Variants in POU2F1 observed in about 807,000 individuals in gnomAD.
POU2F1 encodes the protein POU domain, class 2, transcription factor 1.
Under a neutral mutation model 84.9 loss-of-function variants are expected in POU2F1, and 16 were observed. The observed-to-expected ratio is 0.19, with a 90% CI of 0.13 to 0.29. The LOEUF (loss-of-function observed/expected upper bound fraction) is 0.29, where lower values mean the gene tolerates loss of function less well. Ranked by LOEUF, POU2F1 falls within the 10% of genes least tolerant of loss-of-function variation. POU2F1 has a pLI of 1.00. For missense variants in POU2F1, 738 were observed against 942.6 expected (o/e 0.78, Z 2.84); for synonymous variants, 368 against 368.3 (o/e 1.00, Z 0.01).
Position 167,424,091 on chromosome 1 carries a change from G to A in POU2F1, c.*8281G>A, listed in dbSNP as rs1650806426. The A allele has an allele frequency of 6.6e-6, 1 of 152,252 alleles. No individual in the cohort carries two copies. The highest frequency in any genetic ancestry group is 2.1e-4 in the South Asian group (1 of 4,832). The allele number at this position is 152,252 out of a possible 1,614,324, so 9.4% of individuals were successfully genotyped here. On this transcript the variant is annotated 3_prime_UTR_variant, in exon 16 of 16. Transcript: ENST00000367866. ...GTGTCTGCTACAAAAGGCTGTAGTT[G>A]TAGGCAGTCGGGGATGCCATGTCCT...
intron 1 of POU2F1, among the ~76,000 whole-genome samples, chr1:167,232,109 C>A (rs973689570): frequency 6.6e-6 from 1 of 152,162 alleles, no homozygotes; most frequent in African/African-American, 2.4e-5. Context: ...GGCCTCAGAG[C>A]CCCTGTGACT....
chr1:167,236,042 A>G (rs1224116808), intron 1 of POU2F1, among the ~76,000 whole-genome samples: 1 of 151,956 alleles, frequency 6.6e-6, no homozygotes, highest in Non-Finnish European at 1.5e-5. Flanking sequence ...TAGTCTTTTA[A>G]ATTTTTCCTA....
Position 167,242,935 on chromosome 1 carries a change from C to G in POU2F1, c.61+21977C>G, listed in dbSNP as rs78409562. On this transcript the variant is annotated intron_variant, in intron 1 of 15. Transcript: ENST00000367866. ...TATTCTCATTCTCCCTCTCTCCCTC[C>G]CCCTCCTTCCACCTGCCTCTCTCCC... Among the ~76,000 whole-genome samples, 124 of 152,000 alleles carry G rather than the reference C, an allele frequency of 8.2e-4. 2 individuals carry two copies. In the East Asian group the frequency reaches 0.022, roughly 27 times the overall value.
intron 1 of POU2F1, among the ~76,000 whole-genome samples, chr1:167,294,997 G>A (rs1654186374): frequency 6.6e-6 from 1 of 151,912 alleles, no homozygotes; most frequent in Admixed American, 6.6e-5. Flanking sequence ...AGCCGGGTGT[G>A]GTAGAGGGTG....
chr1:167,279,115 G>A (rs746714095), intron 1 of POU2F1, among the ~76,000 whole-genome samples: 24 of 152,100 alleles, frequency 1.6e-4, no homozygotes, highest in Non-Finnish European at 2.9e-4. Context: ...TACAGCATAC[G>A]CCTGATAATG....
intron 2 of POU2F1, among the ~76,000 whole-genome samples, chr1:167,363,201 G>C (rs984386930): frequency 6.6e-6 from 1 of 152,160 alleles, no homozygotes; most frequent in African/African-American, 2.4e-5. Context: ...AGTGGAACCA[G>C]TATATAGAAT....
At chr1:167,382,479 A>G (rs1435240660) in intron 7 of POU2F1, among the ~76,000 whole-genome samples, 1 of 152,222 alleles carries the variant, frequency 6.6e-6, no homozygotes, top group Non-Finnish European at 1.5e-5. Flanking sequence ...AAGTTGAGAT[A>G]CGATAGCTAG....
intron 2 of POU2F1, among the ~76,000 whole-genome samples, chr1:167,345,182 T>TAAGA (rs1379213361): frequency 1.3e-5 from 2 of 151,968 alleles, no homozygotes; most frequent in African/African-American, 4.8e-5. Flanking sequence ...AATAAATAAA[T>TAAGA]AAGAAAGAAC....
chr1:167,304,914 A>G (rs1654955281), intron 1 of POU2F1, among the ~76,000 whole-genome samples: 1 of 152,216 alleles, frequency 6.6e-6, no homozygotes, highest in South Asian at 2.1e-4. Context: ...GATGTTATAG[A>G]AAGAGTATTA....
chr1:167,397,853 A>G (rs1290458224), intron 10 of POU2F1, 141 bp from the exon 11 acceptor site: 3 of 870,734 alleles, frequency 3.4e-6, no homozygotes, highest in Admixed American at 5.9e-5. Context: ...CCAATAAGCA[A>G]TATTGTAATG....
rs779893651 is a variant in POU2F1, at chr1:167,376,124, T to C, written c.687T>C (p.Phe229=). The change falls in exon 7 of 16, where the codon TTT becomes TTC. Residue 229 remains phenylalanine (F), a synonymous_variant. Coordinates refer to ENST00000367866, the MANE Select transcript of POU2F1 (RefSeq NM_002697.4). ...HPTTNLQPAQ[F]IISQTPQGQQ... is the part of the protein sequence containing the mutation. ...CCACCAATTTGCAGCCAGCGCAGTT[T>C]ATCATCTCACAGACGCCCCAGGGCC... 7.4e-6 allele frequency: 12 copies of C among 1,614,234 alleles called. No individual in the cohort carries two copies. The East Asian group carries it at 2.7e-4, about 36-fold the overall frequency.
Position 167,300,794 on chromosome 1 carries a change from G to A in POU2F1, c.62-31676G>A, listed in dbSNP as rs1386805193. On this transcript the variant is annotated intron_variant, in intron 1 of 15. Transcript: ENST00000367866. ...TTTTATTTTTTATTTTTTTGGAGAC[G>A]GAGTCTACCTCTGTTGCCCAGGCTG... Among the ~76,000 whole-genome samples, 5 of 151,606 alleles carry A rather than the reference G, an allele frequency of 3.3e-5. No homozygotes were observed. In the East Asian group the frequency reaches 9.8e-4, roughly 30 times the overall value.
chr1:167,322,225 G>T (rs1174334136), intron 1 of POU2F1, among the ~76,000 whole-genome samples: 1 of 152,100 alleles, frequency 6.6e-6, no homozygotes, highest in Admixed American at 6.5e-5. Context: ...AAATCCTCCT[G>T]TTCGTGTAGT....
chr1:167,223,940 G>GTGAA (rs1454027599), intron 1 of POU2F1, among the ~76,000 whole-genome samples: 1 of 152,220 alleles, frequency 6.6e-6, no homozygotes, highest in East Asian at 1.9e-4. Context: ...TTGTCCTGAG[G>GTGAA]TGAAGTGTAG....
chr1:167,234,093 G>A (rs1015140005), intron 1 of POU2F1, among the ~76,000 whole-genome samples: 36 of 152,106 alleles, frequency 2.4e-4, no homozygotes, highest in Non-Finnish European at 4.7e-4. Context: ...GCTCTTACCC[G>A]TTAATTTCTG....
chr1:167,378,399 C>G (rs1660472778), intron 7 of POU2F1, among the ~76,000 whole-genome samples: 3 of 135,190 alleles, frequency 2.2e-5, no homozygotes, highest in Admixed American at 7.4e-5. Flanking sequence ...CCATGCCCAG[C>G]TAATTTTTTT....
At chr1:167,274,456 G>A (rs1404065673) in intron 1 of POU2F1, among the ~76,000 whole-genome samples, 1 of 151,936 alleles carries the variant, frequency 6.6e-6, no homozygotes, top group Non-Finnish European at 1.5e-5. Flanking sequence ...AGTATTGCCT[G>A]GAATTTACTA....
rs1651020194 is a variant in POU2F1, at chr1:167,427,319, A to G, written c.*11509A>G. On this transcript the variant is annotated 3_prime_UTR_variant, in exon 16 of 16. Transcript: ENST00000367866. Reference sequence around the variant, plus strand: ...TCATTTCTGTTGTAAAACATCATTAAACCATCTTCCAAGTGTTTTCACATT... The same window carrying G: ...TCATTTCTGTTGTAAAACATCATTAGACCATCTTCCAAGTGTTTTCACATT... The G allele has an allele frequency of 6.6e-6, 1 of 152,116 alleles. No homozygotes were observed. Among genetic ancestry groups the G allele is most frequent in the Non-Finnish European group, 1.5e-5 (1 of 68,012 alleles). 9.4% of individuals were successfully genotyped at this position (152,116 alleles called of 1,614,324 possible).
intron 1 of POU2F1, among the ~76,000 whole-genome samples, chr1:167,319,736 G>T (rs1339367087): frequency 6.6e-6 from 1 of 151,810 alleles, no homozygotes; most frequent in African/African-American, 2.4e-5. Context: ...GTGAGAAAAT[G>T]TATCTACACA....
Sources: gnomAD v4.1 joint callset for allele counts (sites outside exome capture counted in the v4.1 genomes callset) on GRCh38, gnomAD v4.1.1 for gene constraint, MANE v1.5 for transcripts, NCBI Gene and HGNC (gene_info 2026-07-23, HGNC 2026-07-21) for gene names.